Variants in PTPRD observed in about 807,000 individuals in gnomAD.
PTPRD encodes the protein receptor-type tyrosine-protein phosphatase delta.
A neutral mutation model predicts 214.5 loss-of-function variants in PTPRD; 34 were observed. That is an observed-to-expected ratio of 0.16 (90% CI 0.12 to 0.21). The LOEUF (loss-of-function observed/expected upper bound fraction) is 0.21. Ranked by LOEUF, PTPRD falls within the 10% of genes least tolerant of loss-of-function variation. The probability of loss-of-function intolerance (pLI) is 1.00; values close to 1 mark genes in which losing one functional copy is unlikely to be tolerated. For synonymous variants in PTPRD, 1,128 were observed against 845.7 expected (o/e 1.33, Z -5.79); for missense variants, 2,545 against 2,398.7 (o/e 1.06, Z -1.27).
At chr9:9,731,127 T>C (rs1417071125) in intron 7 of PTPRD, among the ~76,000 whole-genome samples, 1 of 152,178 alleles carries the variant, frequency 6.6e-6, no homozygotes, top group Non-Finnish European at 1.5e-5. Flanking sequence ...GTAGGAAGTG[T>C]CAGTTCTTTA....
chr9:9,464,944 G>A (rs1569568561), intron 8 of PTPRD, among the ~76,000 whole-genome samples: 1 of 152,110 alleles, frequency 6.6e-6, no homozygotes, highest in Non-Finnish European at 1.5e-5. Context: ...AACCTCATGT[G>A]CTCATTTTGC....
At chr9:8,626,068 T>C (rs2154307067) in intron 14 of PTPRD, among the ~76,000 whole-genome samples, 1 of 151,908 alleles carries the variant, frequency 6.6e-6, no homozygotes, top group African/African-American at 2.4e-5. Context: ...ATTTGGCATA[T>C]CTGTGCCCTA....
chr9:10,474,484 A>G (rs1159223454), intron 2 of PTPRD, among the ~76,000 whole-genome samples: 1 of 152,164 alleles, frequency 6.6e-6, no homozygotes, highest in Admixed American at 6.5e-5. Context: ...ACCCAGATTC[A>G]TAAAACAAAT....
intron 11 of PTPRD, among the ~76,000 whole-genome samples, chr9:8,774,623 C>T (rs1281949068): frequency 1.3e-5 from 2 of 149,216 alleles, no homozygotes; most frequent in African/African-American, 2.5e-5. Context: ...CAACCTCCGC[C>T]TCCTGGGTTC....
At chr9:9,884,724 T>C (rs1327600627) in intron 5 of PTPRD, among the ~76,000 whole-genome samples, 1 of 152,090 alleles carries the variant, frequency 6.6e-6, no homozygotes, top group Non-Finnish European at 1.5e-5. Context: ...GTTACCTACA[T>C]GCTGTTTTCA....
chr9:9,274,128 C>A (rs1944042745), intron 9 of PTPRD, among the ~76,000 whole-genome samples: 2 of 151,148 alleles, frequency 1.3e-5, no homozygotes, highest in South Asian at 4.2e-4. Context: ...CTGTCCAAGT[C>A]TTCCTGCTTC....
intron 3 of PTPRD, among the ~76,000 whole-genome samples, chr9:10,171,277 G>A (rs1405567680): frequency 3.3e-5 from 5 of 152,046 alleles, no homozygotes; most frequent in South Asian, 2.1e-4. Flanking sequence ...TGTTGTGGGA[G>A]GGACCTGGTG....
At chr9:9,985,323 G>A (rs562043747) in intron 4 of PTPRD, among the ~76,000 whole-genome samples, 22 of 152,052 alleles carry the variant, frequency 1.4e-4, no homozygotes, top group African/African-American at 2.9e-4. Flanking sequence ...TATAATTTTT[G>A]TATTTGCAAT....
intron 10 of PTPRD, among the ~76,000 whole-genome samples, chr9:9,046,485 G>T (rs2099672446): frequency 6.6e-6 from 1 of 151,870 alleles, no homozygotes; most frequent in South Asian, 2.1e-4. Flanking sequence ...GAAAGACAAA[G>T]CATATCTACA....
At chr9:8,953,417 T>C (rs1337320044) in intron 11 of PTPRD, among the ~76,000 whole-genome samples, 2 of 151,858 alleles carry the variant, frequency 1.3e-5, no homozygotes, top group East Asian at 1.9e-4. Context: ...AGGAAATAAA[T>C]ACCCTTCTTG....
At chr9:8,380,484 T>G (rs1419701100) in intron 37 of PTPRD, among the ~76,000 whole-genome samples, 1 of 152,160 alleles carries the variant, frequency 6.6e-6, no homozygotes, top group African/African-American at 2.4e-5. Context: ...ACAGTTCAGA[T>G]TTTTGGCTAA....
At chr9:10,158,020 T>C (rs768194106) in intron 3 of PTPRD, among the ~76,000 whole-genome samples, 1 of 152,012 alleles carries the variant, frequency 6.6e-6, no homozygotes, top group Non-Finnish European at 1.5e-5. Flanking sequence ...TGTTTGTTTG[T>C]TTGTTTTTGA....
intron 4 of PTPRD, among the ~76,000 whole-genome samples, chr9:9,999,868 G>C (rs901295461): frequency 6.6e-6 from 1 of 152,132 alleles, no homozygotes; most frequent in Non-Finnish European, 1.5e-5. Flanking sequence ...TAGAGAAAGA[G>C]ATTTTATATA....
intron 11 of PTPRD, among the ~76,000 whole-genome samples, chr9:8,772,700 C>T (rs2095286292): frequency 6.6e-6 from 1 of 152,108 alleles, no homozygotes; most frequent in Non-Finnish European, 1.5e-5. Flanking sequence ...TGTCTGCTAA[C>T]TCTAACATCT....
chr9:10,383,626 C>T (rs372895189), intron 2 of PTPRD, among the ~76,000 whole-genome samples: 13 of 151,796 alleles, frequency 8.6e-5, no homozygotes, highest in African/African-American at 2.9e-4. Context: ...ATCATCAAAG[C>T]ACAGTATTAC....
chr9:9,522,928 G>A (rs1036129497), intron 8 of PTPRD, among the ~76,000 whole-genome samples: 3 of 152,120 alleles, frequency 2.0e-5, no homozygotes, highest in African/African-American at 7.2e-5. Context: ...TTGCACAGAA[G>A]ATTTGACAGG....
At chr9:9,890,424 C>A (rs1005285027) in intron 5 of PTPRD, among the ~76,000 whole-genome samples, 5 of 151,930 alleles carry the variant, frequency 3.3e-5, no homozygotes, top group Non-Finnish European at 5.9e-5. Context: ...GTCTTGAACT[C>A]CTAGACTCAA....
chr9:10,141,426 C>G (rs1226275593), intron 3 of PTPRD, among the ~76,000 whole-genome samples: 1 of 151,912 alleles, frequency 6.6e-6, no homozygotes, highest in Non-Finnish European at 1.5e-5. Context: ...AATCAATGTA[C>G]AAAAATCACA....
intron 2 of PTPRD, among the ~76,000 whole-genome samples, chr9:10,437,990 A>G (rs2098731940): frequency 7.6e-6 from 1 of 131,824 alleles, no homozygotes; most frequent in Admixed American, 7.3e-5. Context: ...TTTCTGGACT[A>G]TCAGCTCCCT....
Sources: gnomAD v4.1 joint callset for allele counts (sites outside exome capture counted in the v4.1 genomes callset) on GRCh38, gnomAD v4.1.1 for gene constraint, MANE v1.5 for transcripts, NCBI Gene and HGNC (gene_info 2026-07-23, HGNC 2026-07-21) for gene names.